Variants in BRCA1 observed in about 807,000 individuals in gnomAD.
BRCA1 encodes BRCA1 DNA repair associated, also known as breast cancer type 1 susceptibility protein.
A neutral mutation model predicts 173.7 loss-of-function variants in BRCA1; 140 were observed. The observed-to-expected ratio is 0.81, with a 90% CI of 0.70 to 0.93. The LOEUF (loss-of-function observed/expected upper bound fraction) is 0.93, where lower values mean the gene tolerates loss of function less well. Ranked by LOEUF, BRCA1 falls within the 40% of genes least tolerant of loss-of-function variation. BRCA1 has a pLI of 0.00. For synonymous variants in BRCA1, 662 were observed against 756.0 expected (o/e 0.88, Z 2.04); for missense variants, 1,983 against 2,172.5 (o/e 0.91, Z 1.73).
In BRCA1 at chr17:43,100,679, AT is replaced by A. The variant is rs1567807768; in HGVS notation, c.442-800del. 2.8e-3 allele frequency among the ~76,000 whole-genome samples: 24 copies of A among 8,436 alleles called. 1 individual carries two copies. Among genetic ancestry groups the A allele is most frequent in the South Asian group, 0.014 (3 of 216 alleles). The allele number at this position is 8,436 out of a possible 152,430, so 5.5% of individuals were successfully genotyped here. On this transcript the variant is annotated intron_variant, in intron 6 of 22. Coordinates refer to ENST00000357654, the MANE Select transcript of BRCA1 (RefSeq NM_007294.4). The stretch of plus-strand genomic sequence containing the variant: ...TAACATATATATATATATATATATA[AT>A]ATATATATATATATATATATATGTA...
chr17:43,049,093 C>T (rs1567758831), intron 21 of BRCA1, 28 bp downstream of exon 21: 1 of 1,602,204 alleles, frequency 6.2e-7, no homozygotes, highest in Admixed American at 1.7e-5. Context: ...TTGTGTCCTC[C>T]CTCTCTGACA....
At position 43,074,929 on chromosome 17, in the gene BRCA1, G is replaced by T. The variant is rs539682857; in HGVS notation, c.4485-408C>A. ...GAGCAAGACTCTGTCAAGAAAGAAA[G>T]GAAAGGAAAGAAAGGAAAGAAAAGG... On this transcript the variant is annotated intron_variant, in intron 13 of 22. Transcript: ENST00000357654. Among the ~76,000 whole-genome samples, 3 of 137,900 alleles carry T rather than the reference G, an allele frequency of 2.2e-5. No individual in the cohort carries two copies. In the South Asian group the frequency reaches 6.7e-4, roughly 31 times the overall value. The allele number at this position is 137,900 out of a possible 152,430, so 90.5% of individuals were successfully genotyped here. A position where few individuals can be genotyped will look rare whatever the true frequency, so the allele number is the denominator to read the frequency against.
intron 1 of BRCA1, among the ~76,000 whole-genome samples, chr17:43,139,211 C>T: frequency 6.8e-6 from 1 of 146,562 alleles, no homozygotes; most frequent in African/African-American, 2.5e-5. Flanking sequence ...TTTTTCTTTT[C>T]TCCCAGGTGT....
intron 1 of BRCA1, among the ~76,000 whole-genome samples, chr17:43,154,693 A>G (rs940430279): frequency 3.3e-5 from 5 of 152,128 alleles, no homozygotes; most frequent in African/African-American, 1.2e-4. Flanking sequence ...AGTATCTACT[A>G]CTATATTCAA....
chr17:43,092,068 C>G lies in BRCA1; in HGVS notation c.3463G>C (p.Asp1155His), dbSNP rs80357484. ...GTATCTTCCTTTATTTCACCATCAT[C>G]TAACAGGTCATCAGGTGTCTCAGAA... is the stretch of plus-strand genomic sequence containing the variant. ...VCSETPDDLL[D>H]DGEIKEDTSF... The change falls in exon 10 of 23, where the codon GAT becomes CAT. Residue 1155 changes from aspartate (D) to histidine (H), a missense_variant. Asp to His is a moderately conservative substitution (Grantham distance 81). Coordinates refer to ENST00000357654, the MANE Select transcript of BRCA1 (RefSeq NM_007294.4). 1.9e-6 allele frequency: 3 copies of G among 1,614,066 alleles called. No homozygotes were observed. The highest frequency in any genetic ancestry group is 2.5e-6 in the Non-Finnish European group (3 of 1,180,032).
At chr17:43,158,723 C>T (rs866403466) in intron 1 of BRCA1, among the ~76,000 whole-genome samples, 1 of 152,138 alleles carries the variant, frequency 6.6e-6, no homozygotes, top group African/African-American at 2.4e-5. Context: ...GTTTTAACTA[C>T]TGAATATACA....
chr17:43,076,007 T>C (rs1429846508), intron 13 of BRCA1, among the ~76,000 whole-genome samples: 1 of 151,814 alleles, frequency 6.6e-6, no homozygotes, highest in Admixed American at 6.6e-5. Flanking sequence ...GTGGGAGGAT[T>C]GCTTGAGCCT....
intron 19 of BRCA1, among the ~76,000 whole-genome samples, chr17:43,056,470 T>C (rs545254044): frequency 6.6e-6 from 1 of 152,270 alleles, no homozygotes; most frequent in African/African-American, 2.4e-5. Context: ...CGAGCCGCTG[T>C]GCCTGGCCCA....
intron 2 of BRCA1, among the ~76,000 whole-genome samples, chr17:43,121,397 C>T (rs1175035151): frequency 1.3e-5 from 2 of 149,618 alleles, no homozygotes; most frequent in African/African-American, 4.9e-5. Context: ...CAAAACAAAA[C>T]AAAAAGTCTG....
chr17:43,170,265 C>G (rs1219045795), upstream of BRCA1: 1 of 173,782 alleles, frequency 5.8e-6, no homozygotes, highest in Non-Finnish European at 1.2e-5. Context: ...ACGGAAACCG[C>G]TGAGCAATAG....
intron 17 of BRCA1, 50 bp from the exon 18 acceptor site, chr17:43,063,423 C>T: frequency 6.7e-7 from 1 of 1,487,182 alleles, no homozygotes; most frequent in Non-Finnish European, 9.4e-7. Flanking sequence ...AGAACGTGCT[C>T]TTTTCACGGA....
chr17:43,138,939 G>C (rs1456913441), intron 1 of BRCA1: 1 of 778,732 alleles, frequency 1.3e-6, no homozygotes, highest in Non-Finnish European at 2.4e-6. Context: ...TAGCCTGAAA[G>C]CCAGTGGTAC....
intron 6 of BRCA1, among the ~76,000 whole-genome samples, chr17:43,102,069 AGTTTTTTT>A (rs2054500672): frequency 6.6e-6 from 1 of 151,110 alleles, no homozygotes; most frequent in Non-Finnish European, 1.5e-5. Flanking sequence ...CGCCCAGCTA[AGTTTTTTT>A]GTTTTTTTTT....
At chr17:43,056,956 A>C in intron 19 of BRCA1, 96 bp downstream of exon 19, 1 of 1,108,866 alleles carries the variant, frequency 9.0e-7, no homozygotes, top group Non-Finnish European at 1.4e-6. Context: ...TGTATGTAAT[A>C]AGTCTTACAA....
chr17:43,057,008 G>A (rs2051490741), intron 19 of BRCA1, 44 bp downstream of exon 19: 1 of 1,566,616 alleles, frequency 6.4e-7, no homozygotes, highest in Non-Finnish European at 8.8e-7. Flanking sequence ...GGAATACAGA[G>A]TGGTGGGGTG....
intron 1 of BRCA1, chr17:43,125,047 A>AT (rs1260626337): frequency 4.7e-6 from 2 of 427,612 alleles, no homozygotes; most frequent in African/African-American, 4.0e-5. Context: ...TATCACGAGG[A>AT]TTCCCCCACG....
In BRCA1 at chr17:43,094,022, CT is replaced by C. The variant is rs80357506; in HGVS notation, c.1508del (p.Lys503SerfsTer29). ...IQERPLTNKL[K>X]RKRRPTSGLH... ...GGCCTGATGTAGGTCTCCTTTTACGCTTTAATTTATTTGTGAGGGGACGCTC... is the reference window on the plus strand; with the variant it reads ...GGCCTGATGTAGGTCTCCTTTTACGCTTAATTTATTTGTGAGGGGACGCTC... On this transcript the variant is annotated frameshift_variant, in exon 10 of 23. Transcript: ENST00000357654. LOFTEE classifies it high-confidence loss of function. 2.5e-6 allele frequency: 4 copies of C among 1,614,006 alleles called. No individual in the cohort carries two copies. Among genetic ancestry groups the C allele is most frequent in the Non-Finnish European group, 3.4e-6 (4 of 1,179,972 alleles).
At chr17:43,127,005 C>T (rs1341759332), upstream of BRCA1, among the ~76,000 whole-genome samples, 2 of 152,180 alleles carry the variant, frequency 1.3e-5, no homozygotes, top group East Asian at 1.9e-4. Flanking sequence ...CCAGCACTGC[C>T]GGCCCGCCTG....
intron 19 of BRCA1, among the ~76,000 whole-genome samples, chr17:43,051,501 T>C (rs1456782523): frequency 6.6e-6 from 1 of 152,192 alleles, no homozygotes; most frequent in East Asian, 1.9e-4. Context: ...AATAAGAGGC[T>C]TGGATGGCTA....
Sources: allele counts gnomAD v4.1 joint callset (sites outside exome capture counted in the v4.1 genomes callset), GRCh38; gene constraint gnomAD v4.1.1; transcripts MANE v1.5; gene names NCBI Gene and HGNC (gene_info 2026-07-23, HGNC 2026-07-21).